Variants in CACNA1E observed in about 807,000 individuals in gnomAD.
The protein encoded by CACNA1E is calcium voltage-gated channel subunit alpha1 E, also known as voltage-dependent R-type calcium channel subunit alpha-1E.
In CACNA1E, 40 loss-of-function variants were observed where a neutral mutation model predicts 259.2. The observed-to-expected ratio is 0.15, with a 90% CI of 0.12 to 0.20. The LOEUF (loss-of-function observed/expected upper bound fraction) is 0.20. CACNA1E is among the 10% of genes least tolerant of loss of function. CACNA1E has a pLI of 1.00. For synonymous variants in CACNA1E, 1,104 were observed against 1,138.5 expected (o/e 0.97, Z 0.61); for missense variants, 1,874 against 3,040.1 (o/e 0.62, Z 9.02).
intron 3 of CACNA1E, among the ~76,000 whole-genome samples, chr1:181,532,732 T>G (rs533447805): frequency 6.6e-6 from 1 of 152,326 alleles, no homozygotes; most frequent in South Asian, 2.1e-4. Context: ...GGAAAGGAGA[T>G]CTCTTGCCTG....
chr1:181,676,562 C>T lies in CACNA1E; in HGVS notation c.1055+25121C>T, dbSNP rs529686299. 1.7e-4 allele frequency among the ~76,000 whole-genome samples: 26 copies of T among 152,194 alleles called. No homozygotes were observed. In the South Asian group the frequency reaches 5.2e-3, roughly 30 times the overall value. On this transcript the variant is annotated intron_variant, in intron 7 of 47. Coordinates refer to ENST00000367573, the MANE Select transcript of CACNA1E (RefSeq NM_001205293.3). ...ACCACCAAGCTCTGTGTCTGGCACACAGTAATTAATATATGTTGAATGAAT... is the reference window on the plus strand; with the variant it reads ...ACCACCAAGCTCTGTGTCTGGCACATAGTAATTAATATATGTTGAATGAAT...
chr1:181,509,353 C>T (rs1430382602), intron 1 of CACNA1E, among the ~76,000 whole-genome samples: 1 of 152,174 alleles, frequency 6.6e-6, no homozygotes, highest in Non-Finnish European at 1.5e-5. Flanking sequence ...AACTCCACGA[C>T]AGGGTTCCAG....
intron 7 of CACNA1E, among the ~76,000 whole-genome samples, chr1:181,708,059 A>C (rs1652967834): frequency 6.6e-6 from 1 of 152,202 alleles, no homozygotes; most frequent in African/African-American, 2.4e-5. Context: ...TGACTCAGGC[A>C]GATAAGCATT....
At chr1:181,424,686 G>A (rs536454707) in intron 2 of CACNA1E, among the ~76,000 whole-genome samples, 1 of 152,334 alleles carries the variant, frequency 6.6e-6, no homozygotes, top group Admixed American at 6.5e-5. Flanking sequence ...GAAAGCAGAG[G>A]GTTTCCATCT....
At chr1:181,443,257 G>A (rs561457158) in intron 2 of CACNA1E, among the ~76,000 whole-genome samples, 4 of 152,350 alleles carry the variant, frequency 2.6e-5, no homozygotes, top group African/African-American at 9.6e-5. Context: ...AAAGTAAGGT[G>A]GTGGACAGAA....
At chr1:181,321,719 A>G (rs1172072034) in intron 1 of CACNA1E, among the ~76,000 whole-genome samples, 1 of 152,170 alleles carries the variant, frequency 6.6e-6, no homozygotes, top group Non-Finnish European at 1.5e-5. Flanking sequence ...CAGACCAAGA[A>G]CAGCATGGCT....
At chr1:181,711,124 C>T (rs773120766) in intron 8 of CACNA1E, 55 bp downstream of exon 8, 490 of 1,163,212 alleles carry the variant, frequency 4.2e-4, no homozygotes, top group Non-Finnish European at 4.2e-4. Flanking sequence ...ACATCAGGGC[C>T]GGCCCCTCAC....
At chr1:181,349,884 C>T (rs1557933444) in intron 1 of CACNA1E, among the ~76,000 whole-genome samples, 1 of 152,120 alleles carries the variant, frequency 6.6e-6, no homozygotes, top group Non-Finnish European at 1.5e-5. Context: ...GCTGTGTGAC[C>T]CCAGGCAAGT....
At chr1:181,397,184 G>A (rs1656735777) in intron 1 of CACNA1E, among the ~76,000 whole-genome samples, 1 of 152,216 alleles carries the variant, frequency 6.6e-6, no homozygotes, top group African/African-American at 2.4e-5. Context: ...AGGGTCAAGA[G>A]CATCAGTCCT....
chr1:181,774,579 G>A (rs968306609), intron 37 of CACNA1E, among the ~76,000 whole-genome samples: 25 of 152,204 alleles, frequency 1.6e-4, no homozygotes, highest in African/African-American at 6.0e-4. Flanking sequence ...CACCTCTGTG[G>A]TGTGTCCCTC....
At chr1:181,445,991 GT>G (rs930547552) in intron 2 of CACNA1E, among the ~76,000 whole-genome samples, 4 of 151,540 alleles carry the variant, frequency 2.6e-5, no homozygotes, top group Non-Finnish European at 5.9e-5. Flanking sequence ...GTGAATGCAT[GT>G]TTTTTTTTCT....
In CACNA1E at chr1:181,752,146, C is replaced by T; in HGVS notation, c.3735C>T (p.Thr1245=). ...VAFALANALG[T]NKGRDIKTIK... is the part of the protein sequence containing the mutation. ...CCTGGGGGCCTCTCCCCTGCAGAACCAACAAAGGACGGGACATCAAGACCA... is the reference window on the plus strand; with the variant it reads ...CCTGGGGGCCTCTCCCCTGCAGAACTAACAAAGGACGGGACATCAAGACCA... The change falls in exon 27 of 48, where the codon ACC becomes ACT. Residue 1245 remains threonine, a synonymous_variant. Transcript: ENST00000367573. 1.2e-6 allele frequency: 2 copies of T among 1,612,668 alleles called. No individual in the cohort carries two copies. Among genetic ancestry groups the T allele is most frequent in the Non-Finnish European group, 8.5e-7 (1 of 1,178,720 alleles).
chr1:181,752,041 C>T, intron 26 of CACNA1E, 102 bp from the exon 27 acceptor site: 1 of 852,858 alleles, frequency 1.2e-6, no homozygotes. Context: ...CTCTCCCATA[C>T]ATCTCTCCCC....
rs891434295 is a variant in CACNA1E, at chr1:181,485,585, G to A, written c.266+1575G>A. Among the ~76,000 whole-genome samples, 9 of 152,166 alleles carry A rather than the reference G, an allele frequency of 5.9e-5. No individual in the cohort carries two copies. The highest frequency in any genetic ancestry group is 4.8e-5 in the African/African-American group (2 of 41,428). ...AGGCCATCCATTGCCTGAGTTGAACGTATCTAGCTAGGGTGGAGGTTTCGG... is the reference window on the plus strand; with the variant it reads ...AGGCCATCCATTGCCTGAGTTGAACATATCTAGCTAGGGTGGAGGTTTCGG... On this transcript the variant is annotated intron_variant, in intron 1 of 47. Coordinates refer to ENST00000367573, the MANE Select transcript of CACNA1E (RefSeq NM_001205293.3). This position sits in a 1 kb window ranked among gnomAD's most constrained non-coding sequence, Gnocchi z 4.2.
At chr1:181,685,230 G>GTTTTT (rs139598690) in intron 7 of CACNA1E, among the ~76,000 whole-genome samples, 3 of 103,448 alleles carry the variant, frequency 2.9e-5, no homozygotes, top group African/African-American at 3.8e-5. Flanking sequence ...CCACCTTTAA[G>GTTTTT]TTTTTTTTTT....
Position 181,715,467 on chromosome 1 carries a change from G to C in CACNA1E, c.1225+76G>C. On this transcript the variant is annotated intron_variant, in intron 9 of 47. Coordinates refer to ENST00000367573, the MANE Select transcript of CACNA1E (RefSeq NM_001205293.3). ...CGATGGCAATCTCTGTTATTCAAAA[G>C]GAGAGAAAGAAATGAAAGATGGTGT... The C allele has an allele frequency of 4.9e-6, 4 of 816,232 alleles. 1 individual carries two copies. In the South Asian group the frequency reaches 6.1e-5, roughly 12 times the overall value. The allele number at this position is 816,232 out of a possible 1,614,324, so 50.6% of individuals were successfully genotyped here.
At chr1:181,789,884 C>T (rs2102866293) in intron 43 of CACNA1E, among the ~76,000 whole-genome samples, 1 of 152,346 alleles carries the variant, frequency 6.6e-6, no homozygotes, top group Non-Finnish European at 1.5e-5. Context: ...GTTTTCAACT[C>T]CTCACCACCA....
At chr1:181,729,242 C>T (rs1485200921) in intron 18 of CACNA1E, among the ~76,000 whole-genome samples, 1 of 151,384 alleles carries the variant, frequency 6.6e-6, no homozygotes, top group African/African-American at 2.4e-5. Context: ...GTGCCCTGCA[C>T]AGATGTGTGT....
intron 15 of CACNA1E, 29 bp downstream of exon 15, chr1:181,720,884 G>A: frequency 3.5e-6 from 5 of 1,433,016 alleles, no homozygotes; most frequent in Non-Finnish European, 3.9e-6. Flanking sequence ...GTTCACAAGT[G>A]CTGCATGGGG....
Sources: gnomAD v4.1 joint callset for allele counts (sites outside exome capture counted in the v4.1 genomes callset) on GRCh38, gnomAD v4.1.1 for gene constraint, Gnocchi (gnomAD v3.1) non-coding constraint, MANE v1.5 for transcripts, NCBI Gene and HGNC (gene_info 2026-07-23, HGNC 2026-07-21) for gene names.